Variants in C12orf75 observed in about 807,000 individuals in gnomAD.
C12orf75 encodes overexpressed in colon carcinoma 1 protein.
C12orf75 carries 4 observed loss-of-function variants against 11.4 expected under a neutral mutation model. That is an observed-to-expected ratio of 0.35 (90% CI 0.17 to 0.80). The LOEUF is 0.80. Among genes scored for constraint, C12orf75 ranks in the 30% least tolerant of loss-of-function variants. C12orf75 has a pLI of 0.52. For synonymous variants in C12orf75, 30 were observed against 30.0 expected, an observed-to-expected ratio of 1.00 and a Z score of 0.00; for missense variants, 89 against 80.4, an observed-to-expected ratio of 1.11 and a Z score of -0.41.
chr12:105,347,365 A>G (rs577529348), intron 1 of C12orf75, among the ~76,000 whole-genome samples: 1 of 152,226 alleles, frequency 6.6e-6, no homozygotes, highest in Non-Finnish European at 1.5e-5. Context: ...CTGAGGGGCA[A>G]GGAAGCCAGT....
chr12:105,332,216 GTC>G (rs1489631925), intron 1 of C12orf75, among the ~76,000 whole-genome samples: 7 of 152,180 alleles, frequency 4.6e-5, no homozygotes, highest in Middle Eastern at 3.4e-3. Flanking sequence ...CTCAAATTGT[GTC>G]TCAGTCTACT....
intron 1 of C12orf75, among the ~76,000 whole-genome samples, chr12:105,341,481 C>T (rs529407149): frequency 6.6e-6 from 1 of 152,334 alleles, no homozygotes; most frequent in East Asian, 1.9e-4. Flanking sequence ...GGTTGCCACA[C>T]TTCTGTCAGC....
chr12:105,337,692 G>A (rs1344706175), intron 1 of C12orf75, among the ~76,000 whole-genome samples: 2 of 152,148 alleles, frequency 1.3e-5, no homozygotes, highest in African/African-American at 4.8e-5. Flanking sequence ...GGAGTATTTG[G>A]GGAAGTTGGA....
intron 2 of C12orf75, 32 bp downstream of exon 2, chr12:105,348,658 T>G: frequency 6.7e-7 from 1 of 1,488,540 alleles, no homozygotes; most frequent in Non-Finnish European, 9.1e-7. Flanking sequence ...TTTTATAAGC[T>G]GTCTTTCTGA....
At chr12:105,343,502 A>T (rs1344778) in intron 1 of C12orf75, among the ~76,000 whole-genome samples, 3 of 152,100 alleles carry the variant, frequency 2.0e-5, no homozygotes, top group Non-Finnish European at 4.4e-5. Flanking sequence ...ATTTTGATCA[A>T]AGCACTTTTT....
At chr12:105,349,721 C>A (rs1279767847) in intron 2 of C12orf75, among the ~76,000 whole-genome samples, 1 of 151,770 alleles carries the variant, frequency 6.6e-6, no homozygotes, top group African/African-American at 2.4e-5. Flanking sequence ...ACTAAAAATA[C>A]AAAAAATTAG....
At chr12:105,365,451 C>T (rs1223610920) in intron 2 of C12orf75, among the ~76,000 whole-genome samples, 1 of 152,162 alleles carries the variant, frequency 6.6e-6, no homozygotes, top group African/African-American at 2.4e-5. Context: ...CGCCCACAGC[C>T]TGTCTGTCAC....
intron 1 of C12orf75, among the ~76,000 whole-genome samples, chr12:105,342,381 C>G (rs1295199219): frequency 6.6e-6 from 1 of 152,224 alleles, no homozygotes; most frequent in African/African-American, 2.4e-5. Context: ...CTGTCTTGCC[C>G]TTCTGCCTTC....
At chr12:105,346,144 C>A (rs573835642) in intron 1 of C12orf75, among the ~76,000 whole-genome samples, 1 of 152,146 alleles carries the variant, frequency 6.6e-6, no homozygotes, top group Admixed American at 6.5e-5. Flanking sequence ...CCACCTATCA[C>A]CTGGAAACAA....
chr12:105,365,083 C>A (rs10861408), intron 2 of C12orf75, among the ~76,000 whole-genome samples: 1 of 151,652 alleles, frequency 6.6e-6, no homozygotes, highest in Non-Finnish European at 1.5e-5. Context: ...GTGATCCGCC[C>A]GCCTCGGCCT....
At chr12:105,365,456 T>C (rs886798645) in intron 2 of C12orf75, among the ~76,000 whole-genome samples, 14 of 152,212 alleles carry the variant, frequency 9.2e-5, no homozygotes, top group Non-Finnish European at 1.8e-4. Flanking sequence ...ACAGCCTGTC[T>C]GTCACACAGG....
chr12:105,360,996 G>A (rs548278965), intron 2 of C12orf75, among the ~76,000 whole-genome samples: 6 of 152,136 alleles, frequency 3.9e-5, no homozygotes, highest in South Asian at 2.1e-4. Flanking sequence ...GGCTGGTCTC[G>A]AACTCCTGAC....
At chr12:105,333,205 G>T (rs1385352235) in intron 1 of C12orf75, among the ~76,000 whole-genome samples, 2 of 152,212 alleles carry the variant, frequency 1.3e-5, no homozygotes, top group Non-Finnish European at 2.9e-5. Context: ...AGTCCACCTG[G>T]CTGACTTTGG....
At chr12:105,340,455 C>T (rs1363336942) in intron 1 of C12orf75, among the ~76,000 whole-genome samples, 1 of 144,324 alleles carries the variant, frequency 6.9e-6, no homozygotes, top group African/African-American at 2.6e-5. Flanking sequence ...AAAAAATTTA[C>T]TCAGTGCAGT....
chr12:105,356,438 G>GTTTTTTTTT (rs1288538503), intron 2 of C12orf75, among the ~76,000 whole-genome samples: 12 of 83,098 alleles, frequency 1.4e-4, no homozygotes, highest in Admixed American at 3.7e-4. Context: ...AAGACTACAG[G>GTTTTTTTTT]CTTTTTTTTT....
rs1592886522 is a variant in C12orf75 at position 105,367,697 on chromosome 12, G to C, written c.*33+188G>C. Among the ~76,000 whole-genome samples the C allele has an allele frequency of 2.6e-5, 4 of 152,066 alleles. No homozygotes were observed. In the East Asian group the frequency reaches 7.7e-4, roughly 29 times the overall value. ...GAATAATCAGATCAATTTTCTTTCAGCTACTTTTTTCATTTCATTTTGTTA... is the reference window on the plus strand; with the variant it reads ...GAATAATCAGATCAATTTTCTTTCACCTACTTTTTTCATTTCATTTTGTTA... On this transcript the variant is annotated intron_variant, in intron 5 of 5. Coordinates refer to ENST00000443585, the MANE Select transcript of C12orf75 (RefSeq NM_001145199.2).
In C12orf75 at chr12:105,330,751, G is replaced by A. The variant is rs1032307565; in HGVS notation, c.-141G>A. On this transcript the variant is annotated 5_prime_UTR_variant, in exon 1 of 6. Coordinates refer to ENST00000443585, the MANE Select transcript of C12orf75 (RefSeq NM_001145199.2). ...CGGGCCGCGTCTCCCGGCGGTGGGA[G>A]GGGGCGGCCCCCACTCGGTTCCTGG... The A allele has an allele frequency of 1.3e-5, 11 of 838,892 alleles. No homozygotes were observed. The highest frequency in any genetic ancestry group is 1.5e-5 in the Non-Finnish European group (10 of 646,710). 52.0% of individuals were successfully genotyped at this position (838,892 alleles called of 1,614,324 possible).
At position 105,366,649 on chromosome 12, in the gene C12orf75, C is replaced by T. The variant is rs1871481136; in HGVS notation, c.140C>T (p.Ser47Phe). Residue 47 changes from serine (S) to phenylalanine (F), a missense_variant, in exon 4 of 6, where the codon TCT becomes TTT. By Grantham distance (155) the Ser-to-Phe change is radical. Transcript: ENST00000443585. ...NYGGVYVGLP[S>F]EAVNMVSSQT... is the part of the protein sequence containing the mutation. The stretch of plus-strand genomic sequence containing the variant: ...GGAGGAGTATATGTTGGCCTACCAT[C>T]TGAAGCTGTCAATATGGTGTCCAGT... 4 of 1,543,796 alleles carry T rather than the reference C, an allele frequency of 2.6e-6. No individual in the cohort carries two copies. Among genetic ancestry groups the T allele is most frequent in the Non-Finnish European group, 3.5e-6 (4 of 1,140,254 alleles).
At chr12:105,347,394 A>T (rs1163793720) in intron 1 of C12orf75, among the ~76,000 whole-genome samples, 1 of 152,202 alleles carries the variant, frequency 6.6e-6, no homozygotes, top group Non-Finnish European at 1.5e-5. Context: ...CAGAACCTCA[A>T]AAGTAGGGAA....
Sources: gnomAD v4.1 joint callset for allele counts (sites outside exome capture counted in the v4.1 genomes callset) on GRCh38, gnomAD v4.1.1 for gene constraint, MANE v1.5 for transcripts, NCBI Gene and HGNC (gene_info 2026-07-23, HGNC 2026-07-21) for gene names.